The following GABRG3 variants were observed in gnomAD, a reference collection of about 807,000 sequenced individuals.
GABRG3 encodes the protein gamma-aminobutyric acid type A receptor subunit gamma3.
A neutral mutation model predicts 48.8 loss-of-function variants in GABRG3; 25 were observed. The observed-to-expected ratio is 0.51, with a 90% CI of 0.37 to 0.72. The LOEUF (loss-of-function observed/expected upper bound fraction) is 0.72. Among genes scored for constraint, GABRG3 ranks in the 30% least tolerant of loss-of-function variants. GABRG3 has a pLI of 0.00. For missense variants in GABRG3, 394 were observed against 577.9 expected, an observed-to-expected ratio of 0.68 and a Z score of 3.26; for synonymous variants, 227 against 217.6, an observed-to-expected ratio of 1.04 and a Z score of -0.38.
intron 3 of GABRG3, among the ~76,000 whole-genome samples, chr15:27,285,024 T>A (rs1288683747): frequency 6.6e-6 from 1 of 152,178 alleles, no homozygotes; most frequent in African/African-American, 2.4e-5. Context: ...GGGTTTCTTT[T>A]ACTTTGGATA....
chr15:27,149,955 T>C (rs1898280245), intron 3 of GABRG3, among the ~76,000 whole-genome samples: 1 of 152,226 alleles, frequency 6.6e-6, no homozygotes. Flanking sequence ...CATTTATTAC[T>C]ACTGTGTGAT....
intron 3 of GABRG3, among the ~76,000 whole-genome samples, chr15:27,120,393 A>G (rs1897710752): frequency 1.3e-5 from 2 of 152,202 alleles, no homozygotes; most frequent in African/African-American, 4.8e-5. Context: ...GCCTCTGGTG[A>G]CATTTGTGTT....
At chr15:27,160,697 T>C (rs960702340) in intron 3 of GABRG3, among the ~76,000 whole-genome samples, 1 of 152,040 alleles carries the variant, frequency 6.6e-6, no homozygotes, top group Non-Finnish European at 1.5e-5. Flanking sequence ...TAACCATAGT[T>C]TCTGGAAGTT....
intron 3 of GABRG3, among the ~76,000 whole-genome samples, chr15:27,267,462 CTG>C (rs1273937423): frequency 3.4e-5 from 5 of 146,044 alleles, no homozygotes; most frequent in Non-Finnish European, 6.0e-5. Context: ...TTCTTTGAGA[CTG>C]TGTCTTGCTC....
At chr15:27,485,086 G>T (rs922154975) in intron 6 of GABRG3, among the ~76,000 whole-genome samples, 9 of 152,286 alleles carry the variant, frequency 5.9e-5, no homozygotes, top group South Asian at 2.1e-4. Flanking sequence ...GGAAGGACAT[G>T]TATAGGGGAT....
chr15:27,221,664 C>G (rs1235865449), intron 3 of GABRG3, among the ~76,000 whole-genome samples: 1 of 152,120 alleles, frequency 6.6e-6, no homozygotes, highest in Admixed American at 6.5e-5. Context: ...TGAATTTTGT[C>G]TTGTTACAAC....
intron 5 of GABRG3, among the ~76,000 whole-genome samples, chr15:27,346,111 AAGGAAAGAAAG>A (rs1235879464): frequency 2.7e-5 from 4 of 149,680 alleles, no homozygotes; most frequent in African/African-American, 4.9e-5. Flanking sequence ...AAGAAAGAGA[AAGGAAAGAAAG>A]AGAAAGAAAG....
chr15:27,206,630 C>G (rs535918407), intron 3 of GABRG3, among the ~76,000 whole-genome samples: 1 of 152,168 alleles, frequency 6.6e-6, no homozygotes, highest in East Asian at 1.9e-4. Flanking sequence ...GATTATAGGT[C>G]TAATACTGTC....
intron 3 of GABRG3, among the ~76,000 whole-genome samples, chr15:27,255,528 G>C (rs1890585089): frequency 6.6e-6 from 1 of 152,162 alleles, no homozygotes; most frequent in Admixed American, 6.5e-5. Context: ...TTACCATTCT[G>C]TTTCAGACCA....
chr15:27,191,552 T>A (rs1362656699), intron 3 of GABRG3, among the ~76,000 whole-genome samples: 1 of 152,196 alleles, frequency 6.6e-6, no homozygotes, highest in East Asian at 1.9e-4. Flanking sequence ...AACCCCTGCC[T>A]TTTTTTGTTT....
At chr15:27,296,676 G>C (rs1253649345) in intron 3 of GABRG3, among the ~76,000 whole-genome samples, 3 of 152,134 alleles carry the variant, frequency 2.0e-5, no homozygotes, top group Admixed American at 2.0e-4. Flanking sequence ...GCATTACACG[G>C]TGTTGGTGGT....
intron 3 of GABRG3, among the ~76,000 whole-genome samples, chr15:27,223,497 A>G (rs910206409): frequency 4.6e-5 from 7 of 152,168 alleles, no homozygotes; most frequent in African/African-American, 1.4e-4. Flanking sequence ...TTAAAAACTC[A>G]TAAATATTTA....
chr15:27,234,279 C>T (rs1352262381), intron 3 of GABRG3, among the ~76,000 whole-genome samples: 2 of 152,190 alleles, frequency 1.3e-5, no homozygotes, highest in East Asian at 1.9e-4. Flanking sequence ...AGAGGAGGCT[C>T]CCTGGCCAGG....
At chr15:27,499,644 A>G (rs1481846666) in intron 6 of GABRG3, among the ~76,000 whole-genome samples, 1 of 152,256 alleles carries the variant, frequency 6.6e-6, no homozygotes, top group African/African-American at 2.4e-5. Flanking sequence ...AATTCAATAC[A>G]AATCATAAAT....
At chr15:27,488,027 C>G (rs1890262157) in intron 6 of GABRG3, among the ~76,000 whole-genome samples, 1 of 152,188 alleles carries the variant, frequency 6.6e-6, no homozygotes, top group Non-Finnish European at 1.5e-5. Context: ...GCGCAGCACT[C>G]TAGAATGCGC....
At chr15:27,160,808 C>G (rs979328183) in intron 3 of GABRG3, among the ~76,000 whole-genome samples, 2 of 152,064 alleles carry the variant, frequency 1.3e-5, no homozygotes, top group African/African-American at 4.8e-5. Flanking sequence ...ATGAAGCACT[C>G]CTGGCTGGTT....
At position 27,352,295 on chromosome 15, in the gene GABRG3, TAGTG is replaced by T. The variant is rs1422243933; in HGVS notation, c.574+23410_574+23413del. On this transcript the variant is annotated intron_variant, in intron 5 of 9. Transcript: ENST00000615808. This position sits in a 1 kb window ranked among gnomAD's most constrained non-coding sequence, Gnocchi z 4.0. ...TGTTCACAGCGTAAATCCAGACCCA[TAGTG>T]AGAGGAAGAGGACCCAGGGAGAGCA... Among the ~76,000 whole-genome samples the T allele has an allele frequency of 6.6e-6, 1 of 151,836 alleles. No homozygotes were observed. The highest frequency in any genetic ancestry group is 1.5e-5 in the Non-Finnish European group (1 of 67,978).
chr15:27,128,087 GATGGTGGCTCAC>G (rs558915584), intron 3 of GABRG3, among the ~76,000 whole-genome samples: 1,594 of 152,308 alleles, frequency 0.01, 9 homozygotes, highest in Non-Finnish European at 0.015. Context: ...TGAGGCCAGG[GATGGTGGCTCAC>G]GCCTGTAATC....
intron 2 of GABRG3, among the ~76,000 whole-genome samples, chr15:26,981,136 G>A (rs1382801777): frequency 6.6e-6 from 1 of 152,160 alleles, no homozygotes; most frequent in Non-Finnish European, 1.5e-5. Flanking sequence ...ACAAGGACAT[G>A]ATTTTTCAAC....
Sources: allele counts gnomAD v4.1 joint callset (sites outside exome capture counted in the v4.1 genomes callset), GRCh38; gene constraint gnomAD v4.1.1; non-coding constraint Gnocchi (gnomAD v3.1); transcripts MANE v1.5; gene names NCBI Gene and HGNC (gene_info 2026-07-23, HGNC 2026-07-21).